The following FOXK2 variants were observed in gnomAD, a reference collection of about 807,000 sequenced individuals.
FOXK2 encodes forkhead box K2, also known as forkhead box protein K2.
Under a neutral mutation model 53.3 loss-of-function variants are expected in FOXK2, and 24 were observed. That is an observed-to-expected ratio of 0.45 (90% confidence interval 0.33 to 0.63). FOXK2 has a LOEUF of 0.63. Ranked by LOEUF, FOXK2 falls within the 30% of genes least tolerant of loss-of-function variation. FOXK2 has a pLI of 0.03. For missense variants in FOXK2, 952 were observed against 910.5 expected, an observed-to-expected ratio of 1.05 and a Z score of -0.59; for synonymous variants, 505 against 407.1, an observed-to-expected ratio of 1.24 and a Z score of -2.89.
At chr17:82,596,071 AT>A (rs2045307081) in intron 8 of FOXK2, 2 of 1,105,130 alleles carry the variant, frequency 1.8e-6, no homozygotes, top group Non-Finnish European at 1.1e-6. Context: ...CTGTCTGCAC[AT>A]TTTTTGTAGA....
At chr17:82,571,524 T>G (rs1216147272) in intron 3 of FOXK2, among the ~76,000 whole-genome samples, 200 bp from the exon 4 acceptor site, 1 of 151,972 alleles carries the variant, frequency 6.6e-6, no homozygotes, top group East Asian at 1.9e-4. Context: ...CCGCTTGAAC[T>G]CAGAGGGCGG....
chr17:82,524,412 T>C (rs539551452), intron 1 of FOXK2, among the ~76,000 whole-genome samples: 1 of 152,342 alleles, frequency 6.6e-6, no homozygotes, highest in South Asian at 2.1e-4. Context: ...AAAATTTGGC[T>C]CATTTCATTG....
In FOXK2 at chr17:82,568,104, A is replaced by T. The variant is rs1203081297; in HGVS notation, c.665A>T (p.Tyr222Phe). 1 of 1,614,042 alleles carries T rather than the reference A, an allele frequency of 6.2e-7. No individual in the cohort carries two copies. Among genetic ancestry groups the T allele is most frequent in the Admixed American group, 1.7e-5 (1 of 60,004 alleles). The change falls in exon 3 of 9, where the codon TAC becomes TTC. Residue 222 changes from tyrosine to phenylalanine, a missense_variant. Coordinates refer to ENST00000335255, the MANE Select transcript of FOXK2 (RefSeq NM_004514.4). The stretch of plus-strand genomic sequence containing the variant: ...CCCCGGGGAGCGGGGTCTTCAGGGT[A>T]CAAGGTGGGCCGAGTGATGCCATCT... ...SSPRGAGSSG[Y>F]KVGRVMPSDL...
chr17:82,594,454 C>T (rs945620055), intron 8 of FOXK2, among the ~76,000 whole-genome samples: 14 of 148,450 alleles, frequency 9.4e-5, no homozygotes, highest in African/African-American at 2.8e-4. Context: ...GCTGAGATCG[C>T]GCCACTGCAC....
At position 82,587,268 on chromosome 17, in the gene FOXK2, C is replaced by A; in HGVS notation, c.1782C>A (p.Asn594Lys). Residue 594 changes from asparagine (N) to lysine (K), a missense_variant, in exon 8 of 9, where the codon AAC (asparagine) becomes AAA (lysine). This residue lies in a region of FOXK2 where 551 missense variants were observed against 385.1 expected (regional missense o/e 1.43). Coordinates refer to ENST00000335255, the MANE Select transcript of FOXK2 (RefSeq NM_004514.4). ...SVPTAVHGQV[N>K]NAAASPLHML... ...CCACTGCGGTCCACGGCCAGGTGAA[C>A]AATGGTAAGACATGCTGGTCGGTGG... 6.2e-7 allele frequency: 1 copy of A among 1,612,406 alleles called. No individual in the cohort carries two copies. The highest frequency in any genetic ancestry group is 8.5e-7 in the Non-Finnish European group (1 of 1,179,482).
At position 82,568,174 on chromosome 17, in the gene FOXK2, G is replaced by T; in HGVS notation, c.735G>T (p.Lys245Asn). Reference sequence around the variant, plus strand: ...ACAACTCACAGCCTGAAAATGAAAAGGAAGCTTCAGGTGGAGACAGCCCGA... The same window carrying T: ...ACAACTCACAGCCTGAAAATGAAAATGAAGCTTCAGGTGGAGACAGCCCGA... The part of the protein sequence containing the change: ...MADNSQPENE[K>N]EASGGDSPKD... Residue 245 changes from lysine to asparagine, a missense_variant, in exon 3 of 9, where the codon AAG becomes AAT. This residue lies in a region of FOXK2 where 160 missense variants were observed against 214.2 expected (regional missense o/e 0.75). Coordinates refer to ENST00000335255, the MANE Select transcript of FOXK2 (RefSeq NM_004514.4). 6.2e-7 allele frequency: 1 copy of T among 1,613,148 alleles called. No homozygotes were observed. The highest frequency in any genetic ancestry group is 8.5e-7 in the Non-Finnish European group (1 of 1,179,968).
chr17:82,587,137 A>G lies in FOXK2; in HGVS notation c.1651A>G (p.Thr551Ala). ...TASRIIQTAQ[T>A]TPVQTVTIVQ... ...CAGCCGGATCATTCAGACGGCACAG[A>G]CCACCCCGGTCCAGACGGTGACCAT... is the stretch of plus-strand genomic sequence containing the variant. Residue 551 changes from threonine (T) to alanine (A), a missense_variant, in exon 8 of 9, where the codon ACC becomes GCC. Physicochemically the swap from Thr to Ala is moderately conservative, Grantham distance 58. Coordinates refer to ENST00000335255, the MANE Select transcript of FOXK2 (RefSeq NM_004514.4). 1.9e-6 allele frequency: 3 copies of G among 1,613,040 alleles called. No homozygotes were observed. In the African/African-American group the frequency reaches 4.0e-5, roughly 22 times the overall value.
chr17:82,527,179 C>T (rs530472026), intron 1 of FOXK2, among the ~76,000 whole-genome samples: 2 of 152,230 alleles, frequency 1.3e-5, no homozygotes, highest in African/African-American at 4.8e-5. Context: ...GAAAAGTGTT[C>T]AGTGTACAAA....
At chr17:82,569,972 C>A (rs1435240924) in intron 3 of FOXK2, among the ~76,000 whole-genome samples, 2 of 151,810 alleles carry the variant, frequency 1.3e-5, no homozygotes, top group Non-Finnish European at 2.9e-5. Context: ...CTGTAATCCC[C>A]AGCACTTTGG....
At chr17:82,562,629 A>G (rs183383324) in intron 1 of FOXK2, among the ~76,000 whole-genome samples, 159 of 152,192 alleles carry the variant, frequency 1.0e-3, no homozygotes, top group Non-Finnish European at 1.9e-3. Context: ...GAAAACTACC[A>G]CAAAGTTATT....
chr17:82,548,608 T>C (rs1314600892), intron 1 of FOXK2, among the ~76,000 whole-genome samples: 1 of 152,232 alleles, frequency 6.6e-6, no homozygotes, highest in African/African-American at 2.4e-5. Flanking sequence ...CTGTATTTCA[T>C]ATATTCAAAT....
At chr17:82,584,315 G>A (rs1047890843) in intron 6 of FOXK2, 127 bp downstream of exon 6, 8 of 968,286 alleles carry the variant, frequency 8.3e-6, no homozygotes, top group African/African-American at 3.3e-5. Flanking sequence ...ACTAGTACCT[G>A]ATTTTATAGG....
chr17:82,552,454 C>T (rs1473522069), intron 1 of FOXK2, among the ~76,000 whole-genome samples: 2 of 152,266 alleles, frequency 1.3e-5, no homozygotes, highest in East Asian at 1.9e-4. Context: ...CTTCACCCAC[C>T]GTCGCTCCTG....
intron 8 of FOXK2, chr17:82,595,836 G>T (rs1429453717): frequency 3.9e-6 from 5 of 1,289,662 alleles, no homozygotes; most frequent in Non-Finnish European, 5.1e-6. Flanking sequence ...AGTTGCCTCA[G>T]TTGACACAGC....
intron 4 of FOXK2, chr17:82,578,642 C>T (rs2045019184): frequency 6.6e-6 from 1 of 152,188 alleles, no homozygotes; most frequent in African/African-American, 2.4e-5. Context: ...TGTTGGCTGG[C>T]AAATCACAAG....
intron 1 of FOXK2, among the ~76,000 whole-genome samples, chr17:82,538,412 G>A (rs577471340): frequency 1.3e-5 from 2 of 152,316 alleles, no homozygotes; most frequent in Non-Finnish European, 2.9e-5. Flanking sequence ...TTGAGCCCGG[G>A]AAGTTGAGGC....
intron 1 of FOXK2, among the ~76,000 whole-genome samples, chr17:82,521,498 G>C (rs1323471547): frequency 2.0e-5 from 3 of 151,488 alleles, no homozygotes; most frequent in Admixed American, 6.6e-5. Context: ...TAACGCTTTC[G>C]GTTGTTGGAG....
At chr17:82,571,143 G>T (rs1222409952) in intron 3 of FOXK2, among the ~76,000 whole-genome samples, 1 of 152,192 alleles carries the variant, frequency 6.6e-6, no homozygotes, top group African/African-American at 2.4e-5. Flanking sequence ...ACAGGATCTG[G>T]TCGTGGTTGA....
chr17:82,593,152 G>C (rs557750108), intron 8 of FOXK2, among the ~76,000 whole-genome samples: 5 of 151,418 alleles, frequency 3.3e-5, no homozygotes, highest in African/African-American at 1.2e-4. Context: ...CCTGCACCGG[G>C]CACAGGCTCT....
Sources: allele counts gnomAD v4.1 joint callset (sites outside exome capture counted in the v4.1 genomes callset), GRCh38; gene constraint gnomAD v4.1.1; regional missense constraint gnomAD v4.1.1; transcripts MANE v1.5; gene names NCBI Gene and HGNC (gene_info 2026-07-23, HGNC 2026-07-21).